Variants in CDIN1 observed in about 807,000 individuals in gnomAD.
The protein encoded by CDIN1 is CDAN1-interacting nuclease 1.
In CDIN1, 33 loss-of-function variants were observed where a neutral mutation model predicts 45.3. The observed-to-expected ratio is 0.73, with a 90% CI of 0.55 to 0.97. CDIN1 has a LOEUF of 0.97. Among genes scored for constraint, CDIN1 ranks in the 50% least tolerant of loss-of-function variants. The probability of loss-of-function intolerance (pLI) is 0.00; values close to 1 mark genes in which losing one functional copy is unlikely to be tolerated. For synonymous variants in CDIN1, 118 were observed against 124.4 expected (o/e 0.95, Z 0.34); for missense variants, 303 against 339.4 (o/e 0.89, Z 0.84).
chr15:36,732,028 T>C lies in CDIN1; in HGVS notation c.716+22067T>C, dbSNP rs536236821. 1.2e-4 allele frequency among the ~76,000 whole-genome samples: 18 copies of C among 152,300 alleles called. 1 individual carries two copies. The highest frequency in any genetic ancestry group is 1.1e-3 in the Admixed American group (17 of 15,286). On this transcript the variant is annotated intron_variant, in intron 10 of 10. Coordinates refer to ENST00000566621, the MANE Select transcript of CDIN1 (RefSeq NM_001321759.2). ...ATTGTAAAACACAAAATTTTATGAA[T>C]GATTATCACAGTTTTAGACTCCTTA... is the stretch of plus-strand genomic sequence containing the variant.
chr15:36,690,699 A>G (rs564219201), intron 5 of CDIN1, among the ~76,000 whole-genome samples: 2 of 152,336 alleles, frequency 1.3e-5, no homozygotes, highest in South Asian at 2.1e-4. Flanking sequence ...ATTATTCAGT[A>G]TGCATTTTAA....
At position 36,777,296 on chromosome 15, in the gene CDIN1, T is replaced by A. The variant is rs563193479; in HGVS notation, c.717-31028T>A. ...AATTGTTTTAATAATTTCCTCAGTT[T>A]CTAAGTAAATCTCTGCACCCACACA... On this transcript the variant is annotated intron_variant, in intron 10 of 10. Transcript: ENST00000566621. Among the ~76,000 whole-genome samples the A allele has an allele frequency of 1.2e-4, 19 of 152,240 alleles. No individual in the cohort carries two copies. In the South Asian group the frequency reaches 3.7e-3, roughly 30 times the overall value.
chr15:36,800,494 C>T (rs1044580385), intron 10 of CDIN1, among the ~76,000 whole-genome samples: 1 of 152,082 alleles, frequency 6.6e-6, no homozygotes, highest in Non-Finnish European at 1.5e-5. Flanking sequence ...ACATACTTTG[C>T]ATATAAACAT....
chr15:36,753,845 A>G (rs1420544690), intron 10 of CDIN1, among the ~76,000 whole-genome samples: 5 of 152,148 alleles, frequency 3.3e-5, no homozygotes, highest in Non-Finnish European at 7.4e-5. Context: ...AAAGGACTAA[A>G]AAGAACATTT....
At chr15:36,663,382 A>C (rs72706743) in intron 5 of CDIN1, among the ~76,000 whole-genome samples, 26 of 152,296 alleles carry the variant, frequency 1.7e-4, no homozygotes, top group Admixed American at 4.6e-4. Flanking sequence ...TACGGAAGAT[A>C]TCTGAAATGG....
chr15:36,739,922 CTGAT>C (rs1189059450), intron 10 of CDIN1, among the ~76,000 whole-genome samples: 8 of 152,170 alleles, frequency 5.3e-5, no homozygotes, highest in South Asian at 4.1e-4. Flanking sequence ...TTTTTAAACT[CTGAT>C]TGAATATGTA....
chr15:36,788,691 C>G (rs1461873121), intron 10 of CDIN1, among the ~76,000 whole-genome samples: 2 of 123,906 alleles, frequency 1.6e-5, no homozygotes, highest in Non-Finnish European at 3.5e-5. Context: ...GCAATTATAT[C>G]AAATTTGTAG....
chr15:36,639,810 C>T (rs2040035852), intron 1 of CDIN1, among the ~76,000 whole-genome samples: 1 of 152,128 alleles, frequency 6.6e-6, no homozygotes, highest in Non-Finnish European at 1.5e-5. Context: ...CCAACAGATA[C>T]TGACGTTCAA....
At chr15:36,644,425 G>A (rs1403941085) in intron 2 of CDIN1, 102 bp downstream of exon 2, 20 of 1,286,246 alleles carry the variant, frequency 1.6e-5, no homozygotes, top group African/African-American at 7.6e-5. Flanking sequence ...TGATTGGGTT[G>A]GAGGATGTTC....
At chr15:36,781,703 AG>A (rs2054357303) in intron 10 of CDIN1, among the ~76,000 whole-genome samples, 1 of 152,248 alleles carries the variant, frequency 6.6e-6, no homozygotes, top group Non-Finnish European at 1.5e-5. Flanking sequence ...ACTATGGCAC[AG>A]AGGCCAGGAG....
At chr15:36,740,939 T>A (rs1000425059) in intron 10 of CDIN1, among the ~76,000 whole-genome samples, 12 of 152,076 alleles carry the variant, frequency 7.9e-5, no homozygotes, top group South Asian at 4.1e-4. Flanking sequence ...ATTTTTTTTT[T>A]ATTTTTATTT....
chr15:36,620,074 G>A lies in CDIN1; in HGVS notation c.102-24204G>A, dbSNP rs149227661. Reference sequence around the variant, plus strand: ...CTTAAAAACATTGAAAATTTCGGCCGGGTGCGGTGGCTCTCGCCTGTAATC... The same window carrying A: ...CTTAAAAACATTGAAAATTTCGGCCAGGTGCGGTGGCTCTCGCCTGTAATC... On this transcript the variant is annotated intron_variant, in intron 1 of 10. Transcript: ENST00000566621. 9.8e-3 allele frequency among the ~76,000 whole-genome samples: 1,492 copies of A among 152,218 alleles called. 28 individuals carry two copies. Among genetic ancestry groups the A allele is most frequent in the African/African-American group, 0.034 (1,430 of 41,536 alleles).
chr15:36,796,506 A>C (rs1386804090), intron 10 of CDIN1, among the ~76,000 whole-genome samples: 1 of 152,202 alleles, frequency 6.6e-6, no homozygotes, highest in Non-Finnish European at 1.5e-5. Context: ...GACAGGTAAG[A>C]TATTTTCCAC....
intron 10 of CDIN1, among the ~76,000 whole-genome samples, chr15:36,794,165 T>C (rs1190734568): frequency 6.6e-6 from 1 of 150,470 alleles, no homozygotes; most frequent in Non-Finnish European, 1.5e-5. Flanking sequence ...TTCACTCCAT[T>C]CTCCTGCCTC....
chr15:36,701,078 A>ATAGG (rs201272182), intron 8 of CDIN1, among the ~76,000 whole-genome samples: 17 of 150,376 alleles, frequency 1.1e-4, no homozygotes, highest in Non-Finnish European at 1.3e-4. Context: ...TCTAACTAAA[A>ATAGG]TAGGTAGGTA....
intron 8 of CDIN1, among the ~76,000 whole-genome samples, chr15:36,703,311 CAGA>C (rs1566914718): frequency 2.4e-5 from 3 of 125,716 alleles, no homozygotes; most frequent in African/African-American, 9.8e-5. Flanking sequence ...ATAGATCTAT[CAGA>C]TATATACATA....
intron 7 of CDIN1, among the ~76,000 whole-genome samples, chr15:36,693,040 G>T (rs934278051): frequency 1.3e-5 from 2 of 152,208 alleles, no homozygotes; most frequent in East Asian, 3.9e-4. Flanking sequence ...TGTTAGCATG[G>T]ATGGCACTGT....
At chr15:36,794,432 A>G (rs1469403797) in intron 10 of CDIN1, among the ~76,000 whole-genome samples, 2 of 152,122 alleles carry the variant, frequency 1.3e-5, no homozygotes, top group Admixed American at 6.6e-5. Flanking sequence ...AAACAAACCC[A>G]TACTCATTAA....
At chr15:36,738,722 C>T (rs2044123773) in intron 10 of CDIN1, among the ~76,000 whole-genome samples, 1 of 152,172 alleles carries the variant, frequency 6.6e-6, no homozygotes, top group Non-Finnish European at 1.5e-5. Flanking sequence ...CCCCCAACAG[C>T]CTACAGCTTT....
Sources: gnomAD v4.1 joint callset for allele counts (sites outside exome capture counted in the v4.1 genomes callset) on GRCh38, gnomAD v4.1.1 for gene constraint, MANE v1.5 for transcripts, NCBI Gene and HGNC (gene_info 2026-07-23, HGNC 2026-07-21) for gene names.